The following CEP152 variants were observed in gnomAD, a reference collection of about 807,000 sequenced individuals.
CEP152 encodes centrosomal protein 152, also known as centrosomal protein of 152 kDa.
A neutral mutation model predicts 188.9 loss-of-function variants in CEP152; 132 were observed. The observed-to-expected ratio is 0.70, with a 90% CI of 0.61 to 0.81. The LOEUF is 0.81. Among genes scored for constraint, CEP152 ranks in the 30% least tolerant of loss-of-function variants. The pLI, the probability that CEP152 is intolerant of heterozygous loss-of-function variation, is 0.00. For synonymous variants in CEP152, 649 were observed against 666.6 expected, an observed-to-expected ratio of 0.97 and a Z score of 0.41; for missense variants, 1,914 against 1,969.8, an observed-to-expected ratio of 0.97 and a Z score of 0.54.
intron 26 of CEP152, chr15:48,741,286 T>G (rs1024242900): frequency 1.7e-6 from 2 of 1,186,136 alleles, no homozygotes; most frequent in Admixed American, 4.0e-5. Flanking sequence ...TGAGCCATGA[T>G]GCCTGGCCCA....
intron 9 of CEP152, among the ~76,000 whole-genome samples, chr15:48,786,047 T>C (rs1896612958): frequency 6.6e-6 from 1 of 151,488 alleles, no homozygotes; most frequent in African/African-American, 2.4e-5. Context: ...TGTGGGAGTC[T>C]CTAAGCCAAC....
At chr15:48,808,249 G>C (rs1177333516) in intron 1 of CEP152, among the ~76,000 whole-genome samples, 1 of 148,114 alleles carries the variant, frequency 6.8e-6, no homozygotes, top group Non-Finnish European at 1.5e-5. Flanking sequence ...AACAACAAAA[G>C]AGACTTCTTT....
intron 6 of CEP152, 136 bp downstream of exon 6, chr15:48,795,874 C>T: frequency 1.3e-6 from 1 of 768,528 alleles, no homozygotes; most frequent in African/African-American, 1.7e-5. Context: ...AAAATAAGGG[C>T]TCTTTGAAAT....
At chr15:48,798,157 C>G (rs535856601) in intron 2 of CEP152, 106 bp from the exon 3 acceptor site, 1 of 782,186 alleles carries the variant, frequency 1.3e-6, no homozygotes, top group Non-Finnish European at 2.2e-6. Context: ...CAAAGAAGTT[C>G]ATAATTCCCT....
Position 48,731,006 on chromosome 15 carries a change from T to C in CEP152, c.142+10625A>G, listed in dbSNP as rs192218962. Reference sequence around the variant, plus strand: ...AAAGAAAAAAGCTGTCAAGAAAAACTATGCATGTGCTTGGATGTTGAATAA... The same window carrying C: ...AAAGAAAAAAGCTGTCAAGAAAAACCATGCATGTGCTTGGATGTTGAATAA... On this transcript the variant is annotated intron_variant and NMD_transcript_variant, in intron 2 of 3. Transcript: ENST00000561245. 8.3e-4 allele frequency among the ~76,000 whole-genome samples: 126 copies of C among 152,302 alleles called. 1 individual carries two copies. Among genetic ancestry groups the C allele is most frequent in the African/African-American group, 2.7e-3 (114 of 41,564 alleles).
At chr15:48,747,329 A>G (rs996241213) in intron 22 of CEP152, among the ~76,000 whole-genome samples, 6 of 152,164 alleles carry the variant, frequency 3.9e-5, no homozygotes, top group Non-Finnish European at 8.8e-5. Flanking sequence ...TTTTTTGTCC[A>G]TTTAAATATT....
At chr15:48,786,860 G>A (rs1896672168) in intron 9 of CEP152, among the ~76,000 whole-genome samples, 1 of 152,082 alleles carries the variant, frequency 6.6e-6, no homozygotes, top group Non-Finnish European at 1.5e-5. Flanking sequence ...GGACAACAGA[G>A]TAATGCAGTG....
chr15:48,777,490 G>GTGTGTGTGTC (rs1895990014), intron 12 of CEP152, among the ~76,000 whole-genome samples: 1 of 151,702 alleles, frequency 6.6e-6, no homozygotes, highest in African/African-American at 2.4e-5. Flanking sequence ...GTGTGTGTGT[G>GTGTGTGTGTC]TGTGTGTCTG....
chr15:48,789,805 C>T (rs1896893713), intron 8 of CEP152, among the ~76,000 whole-genome samples: 1 of 152,144 alleles, frequency 6.6e-6, no homozygotes, highest in South Asian at 2.1e-4. Context: ...TGGATTCTCC[C>T]CTAAAGCCTC....
intron 26 of CEP152, among the ~76,000 whole-genome samples, chr15:48,740,264 T>C (rs747132511): frequency 5.9e-5 from 9 of 152,202 alleles, no homozygotes; most frequent in Non-Finnish European, 1.3e-4. Flanking sequence ...ATTTATCTAA[T>C]CTTTTATTTA....
intron 2 of CEP152, among the ~76,000 whole-genome samples, chr15:48,802,881 G>A (rs551419598): frequency 6.6e-6 from 1 of 152,170 alleles, no homozygotes; most frequent in Non-Finnish European, 1.5e-5. Flanking sequence ...TGGGATATGG[G>A]CCCATGTGGA....
At chr15:48,742,222 A>T (rs1403616930) in intron 24 of CEP152, 122 bp from the exon 25 acceptor site, 1 of 893,614 alleles carries the variant, frequency 1.1e-6, no homozygotes, top group African/African-American at 1.6e-5. Context: ...TAGTTTAAAC[A>T]TTATACTTTC....
chr15:48,772,440 A>C, intron 13 of CEP152, 47 bp downstream of exon 13: 1 of 1,510,922 alleles, frequency 6.6e-7, no homozygotes, highest in Non-Finnish European at 9.1e-7. Context: ...AGTTTTCTTT[A>C]TTGAGCCTTT....
intron 6 of CEP152, among the ~76,000 whole-genome samples, chr15:48,795,710 G>A (rs1252723453): frequency 6.6e-6 from 1 of 151,954 alleles, no homozygotes; most frequent in African/African-American, 2.4e-5. Flanking sequence ...GAATCTCCAC[G>A]AACCCATCTC....
rs1893298809 is a variant in CEP152, at chr15:48,744,983, T to C, written c.3644A>G (p.Asn1215Ser). Residue 1215 changes from asparagine (N) to serine (S), a missense_variant, in exon 23 of 27, where the codon AAT becomes AGT. By Grantham distance (46) the Asn-to-Ser change is conservative. Transcript: ENST00000380950. ...TTCTATTAATTCTTCAACAACTTTA[T>C]TATTCTCTTCTATAACAGAAAGTTT... ...AVVEKIGEEN[N>S]KVVEELIEEN... 1 of 1,601,272 alleles carries C rather than the reference T, an allele frequency of 6.2e-7. No homozygotes were observed. The highest frequency in any genetic ancestry group is 8.5e-7 in the Non-Finnish European group (1 of 1,173,656).
intron 26 of CEP152, among the ~76,000 whole-genome samples, chr15:48,740,319 T>C (rs1274844441): frequency 6.6e-6 from 1 of 152,164 alleles, no homozygotes; most frequent in African/African-American, 2.4e-5. Flanking sequence ...GCTTGGTATA[T>C]CATTCTCCAT....
chr15:48,766,582 C>T (rs1441237150), intron 17 of CEP152, among the ~76,000 whole-genome samples: 1 of 152,142 alleles, frequency 6.6e-6, no homozygotes, highest in African/African-American at 2.4e-5. Flanking sequence ...TCATCACTTT[C>T]CCTATCACGA....
intron 25 of CEP152, 50 bp from the exon 26 acceptor site, chr15:48,741,754 G>A: frequency 6.2e-7 from 1 of 1,612,516 alleles, no homozygotes; most frequent in Non-Finnish European, 8.5e-7. Flanking sequence ...GAAAAAATGA[G>A]TTGCCTTAGC....
chr15:48,759,269 C>T lies in CEP152; in HGVS notation c.2694+866G>A, dbSNP rs1258522057. ...CTTCAATTTTCTTTTAATTTTTCTA[C>T]ACTTTTATTTAAAAATGTTTAACTC... On this transcript the variant is annotated intron_variant, in intron 19 of 26. Coordinates refer to ENST00000380950, the MANE Select transcript of CEP152 (RefSeq NM_001194998.2). 2.6e-5 allele frequency among the ~76,000 whole-genome samples: 4 copies of T among 152,184 alleles called. No homozygotes were observed. The East Asian group carries it at 7.7e-4, about 29-fold the overall frequency.
Sources: gnomAD v4.1 joint callset for allele counts (sites outside exome capture counted in the v4.1 genomes callset) on GRCh38, gnomAD v4.1.1 for gene constraint, MANE v1.5 for transcripts, NCBI Gene and HGNC (gene_info 2026-07-23, HGNC 2026-07-21) for gene names.